ATP8A2: variants seen among roughly 807,000 people sequenced by gnomAD.
The protein encoded by ATP8A2 is phospholipid-transporting ATPase IB.
A neutral mutation model predicts 165.6 loss-of-function variants in ATP8A2; 100 were observed. The ratio of observed to expected loss-of-function variants is 0.60; its 90% CI spans 0.51 to 0.71. The LOEUF is 0.71. Among genes scored for constraint, ATP8A2 ranks in the 30% least tolerant of loss-of-function variants. ATP8A2 has a pLI of 0.00. For missense variants in ATP8A2, 1,227 were observed against 1,479.5 expected, an observed-to-expected ratio of 0.83 and a Z score of 2.80; for synonymous variants, 543 against 548.8, an observed-to-expected ratio of 0.99 and a Z score of 0.15.
intron 25 of ATP8A2, among the ~76,000 whole-genome samples, chr13:25,745,389 G>A (rs79863267): frequency 0.011 from 1,732 of 152,268 alleles, 29 homozygotes; most frequent in African/African-American, 0.038. Context: ...GGGAAGTGGC[G>A]TGCTCAGTGA....
chr13:25,978,389 G>A (rs1235642681), intron 35 of ATP8A2, among the ~76,000 whole-genome samples: 1 of 152,138 alleles, frequency 6.6e-6, no homozygotes, highest in Admixed American at 6.5e-5. Context: ...ACTGATCTCT[G>A]AGAGTAAGAC....
rs961332046 is a variant in ATP8A2 at position 25,642,366 on chromosome 13, A to G, written c.2211+52667A>G. Among the ~76,000 whole-genome samples, 5 of 152,222 alleles carry G rather than the reference A, an allele frequency of 3.3e-5. No homozygotes were observed. In the East Asian group the frequency reaches 5.8e-4, roughly 18 times the overall value. On this transcript the variant is annotated intron_variant, in intron 24 of 36. Coordinates refer to ENST00000381655, the MANE Select transcript of ATP8A2 (RefSeq NM_016529.6). ...AATCTACTCATCTGACAAAGGGCTA[A>G]TATCCAGAATCTACAAAGAACTCAA...
chr13:25,835,525 C>G (rs1004579635), intron 28 of ATP8A2, among the ~76,000 whole-genome samples: 1 of 152,100 alleles, frequency 6.6e-6, no homozygotes, highest in Non-Finnish European at 1.5e-5. Context: ...ACGTCCAATT[C>G]CCACAGGCCT....
At chr13:25,566,604 T>G (rs1312200044) in intron 16 of ATP8A2, among the ~76,000 whole-genome samples, 1 of 152,146 alleles carries the variant, frequency 6.6e-6, no homozygotes, top group Non-Finnish European at 1.5e-5. Context: ...CTTTCCTAGA[T>G]CAACGAGGAG....
intron 24 of ATP8A2, among the ~76,000 whole-genome samples, chr13:25,604,409 G>C (rs2040465069): frequency 6.6e-6 from 1 of 152,178 alleles, no homozygotes; most frequent in African/African-American, 2.4e-5. Flanking sequence ...AACAACTGGA[G>C]AAAACAAAAG....
At chr13:25,382,604 C>A (rs2032877977) in intron 1 of ATP8A2, among the ~76,000 whole-genome samples, 1 of 152,158 alleles carries the variant, frequency 6.6e-6, no homozygotes, top group South Asian at 2.1e-4. Flanking sequence ...TTGGTGCTTT[C>A]AGTGTTTTGA....
At chr13:25,705,298 G>A in intron 25 of ATP8A2, 1 of 280,466 alleles carries the variant, frequency 3.6e-6, no homozygotes, top group East Asian at 1.3e-4. Context: ...AGAATCATCA[G>A]TGACCCCCTG....
intron 33 of ATP8A2, among the ~76,000 whole-genome samples, chr13:25,960,626 A>AGGCTCCG (rs1342250214): frequency 6.6e-6 from 1 of 152,114 alleles, no homozygotes; most frequent in East Asian, 1.9e-4. Context: ...AGCCAGCTCC[A>AGGCTCCG]GGCTCCGGGC....
chr13:25,721,747 G>T (rs1268571153), intron 25 of ATP8A2, among the ~76,000 whole-genome samples: 1 of 152,102 alleles, frequency 6.6e-6, no homozygotes, highest in Non-Finnish European at 1.5e-5. Context: ...TGTTTTCAAG[G>T]TTCATCCACA....
chr13:25,511,536 G>C (rs1377282415), intron 2 of ATP8A2, among the ~76,000 whole-genome samples: 2 of 152,134 alleles, frequency 1.3e-5, no homozygotes, highest in African/African-American at 4.8e-5. Flanking sequence ...ACATCTTGCA[G>C]TAAGAGGCTT....
At chr13:25,956,715 A>T (rs567520618) in intron 33 of ATP8A2, among the ~76,000 whole-genome samples, 1 of 152,234 alleles carries the variant, frequency 6.6e-6, no homozygotes, top group Non-Finnish European at 1.5e-5. Context: ...TATAGATTCA[A>T]TGCTCTCCCC....
intron 25 of ATP8A2, among the ~76,000 whole-genome samples, chr13:25,738,337 CCCT>C (rs549356481): frequency 0.34 from 21,060 of 61,606 alleles, 1,835 homozygotes; most frequent in East Asian, 0.56. Flanking sequence ...TTTTGTGCCC[CCCT>C]CCCCCCCCCC....
intron 28 of ATP8A2, among the ~76,000 whole-genome samples, chr13:25,828,573 T>A (rs1316926799): frequency 6.6e-6 from 1 of 152,212 alleles, no homozygotes; most frequent in African/African-American, 2.4e-5. Flanking sequence ...TAAACATAGA[T>A]ACAAATGTAC....
In ATP8A2 at chr13:25,942,713, C is replaced by T. The variant is rs1202429742; in HGVS notation, c.3184-18862C>T. ...TGCTGGGATTACAGGCGTGAGCCACCGTGCCCAGCCAACTTATCGATTTTC... is the reference window on the plus strand; with the variant it reads ...TGCTGGGATTACAGGCGTGAGCCACTGTGCCCAGCCAACTTATCGATTTTC... On this transcript the variant is annotated intron_variant, in intron 33 of 36. Transcript: ENST00000381655. 6.6e-5 allele frequency among the ~76,000 whole-genome samples: 10 copies of T among 152,202 alleles called. No individual in the cohort carries two copies. The East Asian group carries it at 1.7e-3, about 26-fold the overall frequency.
At position 25,862,287 on chromosome 13, in the gene ATP8A2, A is replaced by C. The variant is rs34674796; in HGVS notation, c.3076-14A>C. 3 of 1,607,988 alleles carry C rather than the reference A, an allele frequency of 1.9e-6. No homozygotes were observed. The Admixed American group carries it at 5.0e-5, about 27-fold the overall frequency. On this transcript the variant is annotated splice_polypyrimidine_tract_variant and intron_variant, in intron 32 of 36. Transcript: ENST00000381655. The stretch of plus-strand genomic sequence containing the variant: ...GGTCGAGAAGCCTGTCTGAGTGTCT[A>C]TTTCCCTCTGCAGTTCAGTCATCTG...
At chr13:25,991,487 A>G (rs1294359078) in intron 35 of ATP8A2, among the ~76,000 whole-genome samples, 1 of 152,194 alleles carries the variant, frequency 6.6e-6, no homozygotes, top group Non-Finnish European at 1.5e-5. Context: ...TTGTGCTTTT[A>G]TAGGTACCCC....
intron 1 of ATP8A2, among the ~76,000 whole-genome samples, chr13:25,375,259 G>C (rs1223185471): frequency 6.6e-6 from 1 of 152,206 alleles, no homozygotes; most frequent in Non-Finnish European, 1.5e-5. Flanking sequence ...TAGAGACAGA[G>C]CAGGGAACAC....
intron 20 of ATP8A2, among the ~76,000 whole-genome samples, chr13:25,578,439 G>A (rs2039679570): frequency 6.6e-6 from 1 of 152,178 alleles, no homozygotes; most frequent in African/African-American, 2.4e-5. Flanking sequence ...AGGCAGGATT[G>A]TACTTGAGTA....
intron 2 of ATP8A2, among the ~76,000 whole-genome samples, chr13:25,478,386 A>G (rs1465146670): frequency 1.3e-5 from 2 of 152,156 alleles, no homozygotes; most frequent in Non-Finnish European, 2.9e-5. Flanking sequence ...AGACAGCAAA[A>G]GCTTACTCAG....
Sources: allele counts gnomAD v4.1 joint callset (sites outside exome capture counted in the v4.1 genomes callset), GRCh38; gene constraint gnomAD v4.1.1; transcripts MANE v1.5; gene names NCBI Gene and HGNC (gene_info 2026-07-23, HGNC 2026-07-21).